Variants in RAP1GAP2 observed in about 807,000 individuals in gnomAD.
RAP1GAP2 encodes RAP1 GTPase activating protein 2, also known as rap1 GTPase-activating protein 2.
Under a neutral mutation model 95.0 loss-of-function variants are expected in RAP1GAP2, and 27 were observed. The observed-to-expected ratio is 0.28, with a 90% CI of 0.21 to 0.39. The LOEUF (loss-of-function observed/expected upper bound fraction) is 0.39. Ranked by LOEUF, RAP1GAP2 falls within the 10% of genes least tolerant of loss-of-function variation. The pLI, the probability that RAP1GAP2 is intolerant of heterozygous loss-of-function variation, is 1.00. For synonymous variants in RAP1GAP2, 373 were observed against 380.9 expected, an observed-to-expected ratio of 0.98 and a Z score of 0.24; for missense variants, 771 against 970.0, an observed-to-expected ratio of 0.79 and a Z score of 2.72.
At chr17:2,948,270 A>G (rs1255270920) in intron 3 of RAP1GAP2, among the ~76,000 whole-genome samples, 4 of 152,216 alleles carry the variant, frequency 2.6e-5, no homozygotes, top group South Asian at 2.1e-4. Context: ...CTGCTGACAC[A>G]TAAACACACC....
chr17:2,957,763 C>T lies in RAP1GAP2; in HGVS notation c.170C>T (p.Ser57Leu), dbSNP rs761842562. ...CCCCCTGCTTTTGTCTTTCAGTCGT[C>T]GGAGTTCTTTGAGATGCTGGAGAAA... ...PLTAPPTMKS[S>L]EFFEMLEKMQ... is the part of the protein sequence containing the mutation. Residue 57 changes from serine to leucine, a missense_variant, in exon 4 of 25, where the codon TCG (serine) becomes TTG (leucine). Ser to Leu is a moderately radical substitution (Grantham distance 145, BLOSUM62 -2). Transcript: ENST00000254695. The T allele has an allele frequency of 2.2e-5, 35 of 1,607,446 alleles. No homozygotes were observed. The highest frequency in any genetic ancestry group is 8.9e-5 in the South Asian group (8 of 90,114).
chr17:3,003,303 T>C lies in RAP1GAP2; in HGVS notation c.1201-2066T>C, dbSNP rs1246553037. Among the ~76,000 whole-genome samples, 2 of 152,104 alleles carry C rather than the reference T, an allele frequency of 1.3e-5. No homozygotes were observed. The highest frequency in any genetic ancestry group is 2.9e-5 in the Non-Finnish European group (2 of 68,010). On this transcript the variant is annotated intron_variant, in intron 14 of 24. Coordinates refer to ENST00000254695, the MANE Select transcript of RAP1GAP2 (RefSeq NM_015085.5). This position sits in a 1 kb window ranked among gnomAD's most constrained non-coding sequence, Gnocchi z 4.1. ...CTCTGGATTATTTTTCAGAAATGAG[T>C]GTAGTCCTCATCCTGCCTGCTTGGA...
intron 8 of RAP1GAP2, among the ~76,000 whole-genome samples, chr17:2,973,792 A>G (rs896531845): frequency 6.6e-6 from 1 of 152,240 alleles, no homozygotes; most frequent in African/African-American, 2.4e-5. Context: ...AAAATATTAG[A>G]TGAGAATGTT....
At chr17:2,773,526 T>G (rs2151437433), upstream of RAP1GAP2, among the ~76,000 whole-genome samples, 2 of 152,110 alleles carry the variant, frequency 1.3e-5, no homozygotes, top group South Asian at 4.2e-4. Context: ...TCAGTGTGTT[T>G]AAAGGTGGTT....
At chr17:2,810,098 G>A (rs1032392440) in intron 2 of RAP1GAP2, among the ~76,000 whole-genome samples, 1 of 151,754 alleles carries the variant, frequency 6.6e-6, no homozygotes, top group African/African-American at 2.4e-5. Context: ...CTGGGACCGG[G>A]GGCTGTGTGT....
chr17:2,847,146 T>C (rs904379905), intron 2 of RAP1GAP2, among the ~76,000 whole-genome samples: 1 of 152,166 alleles, frequency 6.6e-6, no homozygotes, highest in Non-Finnish European at 1.5e-5. Context: ...GTAGCTGGGA[T>C]TACAGGCGCC....
intron 3 of RAP1GAP2, among the ~76,000 whole-genome samples, chr17:2,934,769 T>C (rs540443976): frequency 6.6e-6 from 1 of 152,362 alleles, no homozygotes; most frequent in South Asian, 2.1e-4. Flanking sequence ...CAAAATAATG[T>C]GTACCTTCCA....
intron 12 of RAP1GAP2, among the ~76,000 whole-genome samples, chr17:2,991,695 C>T (rs1323374966): frequency 6.6e-6 from 1 of 152,250 alleles, no homozygotes; most frequent in African/African-American, 2.4e-5. Context: ...CCCTGTCACT[C>T]ACCTGCCAGG....
intron 2 of RAP1GAP2, among the ~76,000 whole-genome samples, chr17:2,901,489 G>A (rs1266009229): frequency 6.6e-6 from 1 of 152,116 alleles, no homozygotes; most frequent in African/African-American, 2.4e-5. Flanking sequence ...TGCGAGTATG[G>A]GGCTGGGTCG....
At position 2,866,587 on chromosome 17, in the gene RAP1GAP2, T is replaced by TTTTA. The variant is rs558929581; in HGVS notation, c.81-38685_81-38682dup. ...AATGTCCCTTCTGATTGGTAATTTA[T>TTTTA]TTTATTTATTTATTTTATTTTATTA... On this transcript the variant is annotated intron_variant, in intron 2 of 24. Coordinates refer to ENST00000254695, the MANE Select transcript of RAP1GAP2 (RefSeq NM_015085.5). The surrounding 1 kb of genome is among the most constrained non-coding windows in gnomAD (Gnocchi z 4.0). 6.6e-6 allele frequency among the ~76,000 whole-genome samples: 1 copy of TTTTA among 152,294 alleles called. No individual in the cohort carries two copies. The highest frequency in any genetic ancestry group is 2.4e-5 in the African/African-American group (1 of 41,588).
chr17:3,034,370 A>T lies in RAP1GAP2; in HGVS notation c.*1009A>T. 4.1e-6 allele frequency: 1 copy of T among 242,820 alleles called. No individual in the cohort carries two copies. Among genetic ancestry groups the T allele is most frequent in the Non-Finnish European group, 8.3e-6 (1 of 119,904 alleles). 15.0% of individuals were successfully genotyped at this position (242,820 alleles called of 1,614,324 possible). On this transcript the variant is annotated 3_prime_UTR_variant, in exon 25 of 25. Coordinates refer to ENST00000254695, the MANE Select transcript of RAP1GAP2 (RefSeq NM_015085.5). The surrounding 1 kb of genome is among the most constrained non-coding windows in gnomAD (Gnocchi z 5.1). ...ATGGGGGTTCAAGGAAGACGTCGTTATCTCCCCTCCCCACTTACTCGAGGA... is the reference window on the plus strand; with the variant it reads ...ATGGGGGTTCAAGGAAGACGTCGTTTTCTCCCCTCCCCACTTACTCGAGGA...
At chr17:2,769,349 A>G (rs939669376) in intron 1 of RAP1GAP2, among the ~76,000 whole-genome samples, 17 of 148,546 alleles carry the variant, frequency 1.1e-4, no homozygotes, top group Non-Finnish European at 2.1e-4. Context: ...AGGTCAGGAG[A>G]TCGAGACCAT....
intron 19 of RAP1GAP2, among the ~76,000 whole-genome samples, chr17:3,022,620 A>G (rs1266933425): frequency 6.6e-6 from 1 of 152,088 alleles, no homozygotes; most frequent in African/African-American, 2.4e-5. Flanking sequence ...TTCCTCATAT[A>G]TTCAGGTTAT....
intron 2 of RAP1GAP2, among the ~76,000 whole-genome samples, chr17:2,872,030 A>C (rs2072867143): frequency 6.6e-6 from 1 of 152,078 alleles, no homozygotes; most frequent in Non-Finnish European, 1.5e-5. Flanking sequence ...TCGAGACCAG[A>C]CTAGCCAACA....
At position 2,864,056 on chromosome 17, in the gene RAP1GAP2, CA is replaced by C. The variant is rs765106709; in HGVS notation, c.81-41216del. On this transcript the variant is annotated intron_variant, in intron 2 of 24. Coordinates refer to ENST00000254695, the MANE Select transcript of RAP1GAP2 (RefSeq NM_015085.5). The stretch of plus-strand genomic sequence containing the variant: ...CACAAGAGTGAAACTCTGTCCCCCT[CA>C]AAAAAAAAAAACAGTGGCGGCGGGA... Among the ~76,000 whole-genome samples, 670 of 131,522 alleles carry C rather than the reference CA, an allele frequency of 5.1e-3. 4 individuals carry two copies. The highest frequency in any genetic ancestry group is 0.017 in the African/African-American group (580 of 34,290). 86.3% of individuals were successfully genotyped at this position (131,522 alleles called of 152,430 possible). A position where few individuals can be genotyped will look rare whatever the true frequency, so the allele number is the denominator to read the frequency against.
intron 3 of RAP1GAP2, among the ~76,000 whole-genome samples, chr17:2,915,567 A>G (rs937310526): frequency 2.0e-5 from 3 of 152,202 alleles, no homozygotes; most frequent in Non-Finnish European, 4.4e-5. Flanking sequence ...TTTAATGAGC[A>G]GAAGTTTTAA....
At chr17:2,926,565 C>G (rs939609832) in intron 3 of RAP1GAP2, among the ~76,000 whole-genome samples, 1 of 152,172 alleles carries the variant, frequency 6.6e-6, no homozygotes, top group Non-Finnish European at 1.5e-5. Context: ...CCAGCTTGTA[C>G]TTGAACCTGT....
intron 3 of RAP1GAP2, among the ~76,000 whole-genome samples, chr17:2,955,673 C>G (rs371837701): frequency 6.6e-6 from 1 of 152,120 alleles, no homozygotes; most frequent in Non-Finnish European, 1.5e-5. Flanking sequence ...GGCTTTCCTT[C>G]GTGCGTCGTT....
intron 3 of RAP1GAP2, among the ~76,000 whole-genome samples, chr17:2,954,305 C>T (rs933877118): frequency 7.2e-5 from 11 of 151,972 alleles, no homozygotes; most frequent in Non-Finnish European, 1.5e-4. Flanking sequence ...GGGGTTTCAC[C>T]GTGTTAGCCA....
Sources: allele counts gnomAD v4.1 joint callset (sites outside exome capture counted in the v4.1 genomes callset), GRCh38; gene constraint gnomAD v4.1.1; non-coding constraint Gnocchi (gnomAD v3.1); transcripts MANE v1.5; gene names NCBI Gene and HGNC (gene_info 2026-07-23, HGNC 2026-07-21).